DCAF6: variants seen among roughly 807,000 people sequenced by gnomAD.
DCAF6 encodes the protein DDB1- and CUL4-associated factor 6.
In DCAF6, 54 loss-of-function variants were observed where a neutral mutation model predicts 125.1. The ratio of observed to expected loss-of-function variants is 0.43; its 90% CI spans 0.35 to 0.54. The LOEUF is 0.54. Among genes scored for constraint, DCAF6 ranks in the 20% least tolerant of loss-of-function variants. The pLI is 0.01. For missense variants in DCAF6, 934 were observed against 1,161.7 expected (o/e 0.80, Z 2.85); for synonymous variants, 371 against 390.4 (o/e 0.95, Z 0.58).
intron 18 of DCAF6, among the ~76,000 whole-genome samples, chr1:168,064,313 A>G (rs1692057621): frequency 6.6e-6 from 1 of 152,092 alleles, no homozygotes; most frequent in Admixed American, 6.5e-5. Context: ...TTCTACACCC[A>G]GTGTAATATT....
At chr1:167,979,984 C>T (rs1678860872) in intron 4 of DCAF6, among the ~76,000 whole-genome samples, 1 of 151,984 alleles carries the variant, frequency 6.6e-6, no homozygotes, top group African/African-American at 2.4e-5. Flanking sequence ...AGATTGAGAC[C>T]ATCCTGGCCA....
intron 12 of DCAF6, 126 bp downstream of exon 12, chr1:168,023,173 G>A (rs1685878832): frequency 2.0e-6 from 2 of 979,114 alleles, no homozygotes; most frequent in South Asian, 1.4e-5. Context: ...GTATTTTGTG[G>A]ACCAAATTAC....
intron 4 of DCAF6, among the ~76,000 whole-genome samples, chr1:167,983,545 T>G (rs1483602986): frequency 6.6e-6 from 1 of 152,190 alleles, no homozygotes; most frequent in South Asian, 2.1e-4. Context: ...CCTTGGAAAT[T>G]TACAACTCTG....
At chr1:168,023,073 G>A (rs763032007) in intron 12 of DCAF6, 26 bp downstream of exon 12, 1 of 1,611,974 alleles carries the variant, frequency 6.2e-7, no homozygotes, top group Admixed American at 1.7e-5. Context: ...GATGCGCTAT[G>A]CCCATCCATC....
chr1:167,971,251 T>C lies in DCAF6; in HGVS notation c.253-3579T>C, dbSNP rs1463177629. ...GGACACATGTAGCCACTCCTTCATC[T>C]GTGTTCCTGTCTTGTGGATAACTCT... On this transcript the variant is annotated intron_variant, in intron 3 of 21. Coordinates refer to ENST00000367840, the MANE Select transcript of DCAF6 (RefSeq NM_001198956.2). Among the ~76,000 whole-genome samples, 6 of 152,242 alleles carry C rather than the reference T, an allele frequency of 3.9e-5. No homozygotes were observed. The East Asian group carries it at 7.7e-4, about 19-fold the overall frequency.
At chr1:168,010,987 C>G (rs1243113564) in intron 10 of DCAF6, among the ~76,000 whole-genome samples, 1 of 151,806 alleles carries the variant, frequency 6.6e-6, no homozygotes, top group African/African-American at 2.4e-5. Context: ...AAGCTGGTAA[C>G]TTTGAAGTGG....
At position 168,004,860 on chromosome 1, in the gene DCAF6, T is replaced by A; in HGVS notation, c.1378+67T>A. 3.3e-6 allele frequency: 5 copies of A among 1,527,450 alleles called. No individual in the cohort carries two copies. The South Asian group carries it at 4.9e-5, about 15-fold the overall frequency. The allele number at this position is 1,527,450 out of a possible 1,614,324, so 94.6% of individuals were successfully genotyped here. A position where few individuals can be genotyped will look rare whatever the true frequency, so the allele number is the denominator to read the frequency against. ...AGTGAAAATTTCTTTACTGGCTATTTTGAAAGATACTAAATCACATCAACT... is the reference window on the plus strand; with the variant it reads ...AGTGAAAATTTCTTTACTGGCTATTATGAAAGATACTAAATCACATCAACT... On this transcript the variant is annotated intron_variant, in intron 10 of 21. Transcript: ENST00000367840.
At chr1:168,052,239 T>G (rs531550757) in intron 17 of DCAF6, among the ~76,000 whole-genome samples, 2 of 152,332 alleles carry the variant, frequency 1.3e-5, no homozygotes, top group East Asian at 3.9e-4. Flanking sequence ...GCTTCAGAGT[T>G]TTTTGATATC....
At chr1:168,046,665 G>T (rs1689187056) in intron 16 of DCAF6, among the ~76,000 whole-genome samples, 1 of 152,088 alleles carries the variant, frequency 6.6e-6, no homozygotes, top group African/African-American at 2.4e-5. Flanking sequence ...TCCATACCCA[G>T]AGGGAGTTCC....
At chr1:167,964,955 T>A (rs1027151927) in intron 2 of DCAF6, among the ~76,000 whole-genome samples, 1 of 152,226 alleles carries the variant, frequency 6.6e-6, no homozygotes, top group Non-Finnish European at 1.5e-5. Context: ...CTGTCTACTT[T>A]ATCCATTGGA....
chr1:168,059,028 G>A (rs1691258933), intron 17 of DCAF6, among the ~76,000 whole-genome samples: 1 of 151,766 alleles, frequency 6.6e-6, no homozygotes, highest in African/African-American at 2.4e-5. Flanking sequence ...TTTTTAGGCT[G>A]TTTTTTGATG....
intron 12 of DCAF6, among the ~76,000 whole-genome samples, chr1:168,030,401 T>C (rs527810287): frequency 6.6e-6 from 1 of 152,304 alleles, no homozygotes; most frequent in African/African-American, 2.4e-5. Flanking sequence ...AAGTGACTTT[T>C]TGGACATTTT....
intron 17 of DCAF6, among the ~76,000 whole-genome samples, chr1:168,054,170 C>T (rs1023365801): frequency 2.0e-4 from 31 of 152,062 alleles, no homozygotes; most frequent in Non-Finnish European, 3.5e-4. Flanking sequence ...AGTTCATTTC[C>T]TGTTGCTTAT....
chr1:168,025,050 A>G (rs1686164766), intron 12 of DCAF6, among the ~76,000 whole-genome samples: 1 of 152,178 alleles, frequency 6.6e-6, no homozygotes, highest in African/African-American at 2.4e-5. Context: ...ACTATAGCCT[A>G]CTATATTAGA....
the DCAF6 span, among the ~76,000 whole-genome samples, chr1:167,907,435 G>A: frequency 3.3e-5 from 5 of 152,116 alleles, no homozygotes; most frequent in Non-Finnish European, 5.9e-5. Flanking sequence ...CTTCACTTTG[G>A]GACCCAAACT....
chr1:168,056,476 G>A, intron 17 of DCAF6: 2 of 1,020,054 alleles, frequency 2.0e-6, no homozygotes, highest in African/African-American at 6.0e-5. Context: ...CGCGCCGGGA[G>A]GCGGGGCGGG....
intron 17 of DCAF6, chr1:168,056,207 G>T: frequency 1.2e-6 from 2 of 1,612,380 alleles, no homozygotes; most frequent in Non-Finnish European, 1.7e-6. Context: ...GTGCAAAATT[G>T]CTGATTCCCA....
At chr1:167,901,946 T>G in the DCAF6 span, 2 of 1,607,678 alleles carry the variant, frequency 1.2e-6, no homozygotes, top group East Asian at 2.2e-5. Context: ...GCCTCCTTTG[T>G]CCCCAACACA....
intron 1 of DCAF6, among the ~76,000 whole-genome samples, chr1:167,947,655 T>C (rs1050101786): frequency 6.6e-6 from 1 of 152,176 alleles, no homozygotes; most frequent in Non-Finnish European, 1.5e-5. Flanking sequence ...GTTGTTTAAT[T>C]GTTGTGTATT....
Sources: allele counts gnomAD v4.1 joint callset (sites outside exome capture counted in the v4.1 genomes callset), GRCh38; gene constraint gnomAD v4.1.1; transcripts MANE v1.5; gene names NCBI Gene and HGNC (gene_info 2026-07-23, HGNC 2026-07-21).